The following SLC18A2 variants were observed in gnomAD, a reference collection of about 807,000 sequenced individuals.
SLC18A2 encodes the protein synaptic vesicular amine transporter.
In SLC18A2, 33 loss-of-function variants were observed where a neutral mutation model predicts 59.2. That is an observed-to-expected ratio of 0.56 (90% CI 0.42 to 0.75). SLC18A2 has a LOEUF of 0.75. Ranked by LOEUF, SLC18A2 falls within the 30% of genes least tolerant of loss-of-function variation. The probability of loss-of-function intolerance (pLI) is 0.00; values close to 1 mark genes in which losing one functional copy is unlikely to be tolerated. For missense variants in SLC18A2, 569 were observed against 668.6 expected (o/e 0.85, Z 1.64); for synonymous variants, 228 against 253.5 (o/e 0.90, Z 0.95).
intron 15 of SLC18A2, among the ~76,000 whole-genome samples, chr10:117,276,630 A>AAG (rs1554953528): frequency 2.9e-3 from 65 of 22,304 alleles, no homozygotes; most frequent in African/African-American, 5.6e-3. Context: ...AAAAAAAAAA[A>AAG]AAAGAAAGAA....
intron 3 of SLC18A2, among the ~76,000 whole-genome samples, chr10:117,251,945 T>C (rs1296417133): frequency 6.6e-6 from 1 of 151,856 alleles, no homozygotes; most frequent in Non-Finnish European, 1.5e-5. Flanking sequence ...ATGAAGGCGC[T>C]ATGATTATTT....
At chr10:117,266,673 CT>C (rs35000397) in intron 10 of SLC18A2, 59 bp from the exon 11 acceptor site, 1 of 1,328,392 alleles carries the variant, frequency 7.5e-7, no homozygotes. Context: ...ACAGTTATTA[CT>C]TTTTCTAACA....
intron 9 of SLC18A2, 91 bp from the exon 10 acceptor site, chr10:117,257,706 G>T: frequency 1.5e-6 from 1 of 673,266 alleles, no homozygotes; most frequent in South Asian, 2.7e-5. Context: ...AGAAGTTGCG[G>T]TTATCTGAGC....
chr10:117,255,591 T>A lies in SLC18A2; in HGVS notation c.835-6T>A, dbSNP rs1565004388. The A allele has an allele frequency of 6.2e-7, 1 of 1,614,088 alleles. No individual in the cohort carries two copies. The highest frequency in any genetic ancestry group is 8.5e-7 in the Non-Finnish European group (1 of 1,180,004). Reference sequence around the variant, plus strand: ...CTGCTTCTGACCCGTGTTTTTTTCTTGACAGAGTCAGAAGGGGACACCCCT... The same window carrying A: ...CTGCTTCTGACCCGTGTTTTTTTCTAGACAGAGTCAGAAGGGGACACCCCT... On this transcript the variant is annotated splice_polypyrimidine_tract_variant and splice_region_variant and intron_variant, in intron 8 of 15. Transcript: ENST00000644641.
chr10:117,253,045 AG>A (rs1484008156), intron 3 of SLC18A2, among the ~76,000 whole-genome samples: 1 of 152,220 alleles, frequency 6.6e-6, no homozygotes, highest in Non-Finnish European at 1.5e-5. Context: ...ATTTGATTGC[AG>A]TGGCTCCTTT....
At chr10:117,271,395 T>C (rs961629745) in intron 15 of SLC18A2, among the ~76,000 whole-genome samples, 1 of 152,222 alleles carries the variant, frequency 6.6e-6, no homozygotes, top group African/African-American at 2.4e-5. Context: ...GAACTGCCCT[T>C]TGATGCTTTT....
intron 15 of SLC18A2, among the ~76,000 whole-genome samples, chr10:117,271,299 G>A (rs1844422945): frequency 6.6e-6 from 1 of 152,182 alleles, no homozygotes; most frequent in South Asian, 2.1e-4. Flanking sequence ...TAGATGTGAG[G>A]TTTGTTTGTA....
intron 15 of SLC18A2, among the ~76,000 whole-genome samples, chr10:117,270,959 T>C (rs1844418508): frequency 6.6e-6 from 1 of 152,262 alleles, no homozygotes. Flanking sequence ...TTGGGGTATA[T>C]GTGAACACAC....
At chr10:117,254,381 T>A (rs750906365) in intron 5 of SLC18A2, 24 bp from the exon 6 acceptor site, 2 of 1,546,708 alleles carry the variant, frequency 1.3e-6, no homozygotes, top group South Asian at 2.4e-5. Context: ...AGCTGGCCTG[T>A]TGACTATTTC....
At chr10:117,273,109 G>C (rs934908574) in intron 15 of SLC18A2, among the ~76,000 whole-genome samples, 1 of 152,238 alleles carries the variant, frequency 6.6e-6, no homozygotes, top group Non-Finnish European at 1.5e-5. Context: ...TATATTGTAA[G>C]ATATAATGCT....
chr10:117,275,094 G>A (rs879825792), intron 15 of SLC18A2, among the ~76,000 whole-genome samples: 1 of 152,102 alleles, frequency 6.6e-6, no homozygotes, highest in Non-Finnish European at 1.5e-5. Flanking sequence ...TTGTTAGGGG[G>A]GTTAAACCTT....
rs968290284 is a variant in SLC18A2, at chr10:117,256,422, G to A, written c.895+765G>A. ...TCAGGCCAGGAGAAGGTCTGGCTGC[G>A]CGCTGATGTGTTGGTCTCTGGGGCA... On this transcript the variant is annotated intron_variant, in intron 9 of 15. Transcript: ENST00000644641. 1.2e-4 allele frequency among the ~76,000 whole-genome samples: 18 copies of A among 152,308 alleles called. No individual in the cohort carries two copies. The South Asian group carries it at 2.9e-3, about 25-fold the overall frequency.
intron 3 of SLC18A2, among the ~76,000 whole-genome samples, chr10:117,251,956 T>C (rs924530747): frequency 6.6e-6 from 1 of 151,736 alleles, no homozygotes; most frequent in Non-Finnish European, 1.5e-5. Context: ...ATGATTATTT[T>C]TTATTTATTT....
rs1844523161 is a variant in SLC18A2, at chr10:117,277,978, A to G, written c.*712A>G. 1.3e-5 allele frequency: 2 copies of G among 152,242 alleles called. No homozygotes were observed. Among genetic ancestry groups the G allele is most frequent in the South Asian group, 4.1e-4 (2 of 4,834 alleles). 9.4% of individuals were successfully genotyped at this position (152,242 alleles called of 1,614,324 possible). A position where few individuals can be genotyped will look rare whatever the true frequency, so the allele number is the denominator to read the frequency against. On this transcript the variant is annotated 3_prime_UTR_variant, in exon 16 of 16. Transcript: ENST00000644641. ...AAGGAAAAACAGTAAATGTTCCGAA[A>G]GCAGAGAAAAGCAACCAAACATATT...
Position 117,241,749 on chromosome 10 carries a change from G to A in SLC18A2, c.56G>A (p.Arg19Gln), listed in dbSNP as rs1421913557. Residue 19 changes from arginine (R) to glutamine (Q), a missense_variant, in exon 2 of 16, where the codon CGG (arginine) becomes CAG (glutamine). Around this residue, in one of 2 missense-constraint regions of SLC18A2, gnomAD observed 377 missense variants for 389.8 expected, o/e 0.97. Transcript: ENST00000644641. ...VRWLQESRRS[R>Q]KLILFIVFLA... ...TGGCTGCAGGAGAGCCGCCGCTCGCGGAAGCTCATCCTGTTCATCGTGTTC... is the reference window on the plus strand; with the variant it reads ...TGGCTGCAGGAGAGCCGCCGCTCGCAGAAGCTCATCCTGTTCATCGTGTTC... The A allele has an allele frequency of 6.2e-7, 1 of 1,610,724 alleles. No individual in the cohort carries two copies. The highest frequency in any genetic ancestry group is 1.1e-5 in the South Asian group (1 of 90,842).
chr10:117,257,382 T>A (rs1396055214), intron 9 of SLC18A2, among the ~76,000 whole-genome samples: 2 of 151,910 alleles, frequency 1.3e-5, no homozygotes, highest in Non-Finnish European at 2.9e-5. Context: ...AATGCCCACG[T>A]ATATTGCACA....
intron 12 of SLC18A2, 135 bp downstream of exon 12, chr10:117,267,170 T>G: frequency 1.5e-6 from 1 of 682,750 alleles, no homozygotes; most frequent in Non-Finnish European, 2.5e-6. Flanking sequence ...ATTCTAATTT[T>G]TTATCATCTT....
intron 10 of SLC18A2, among the ~76,000 whole-genome samples, chr10:117,264,063 G>T (rs1455592866): frequency 6.6e-6 from 1 of 152,330 alleles, no homozygotes; most frequent in East Asian, 1.9e-4. Flanking sequence ...TGCTTCCGGG[G>T]CTGGATGGCC....
chr10:117,241,260 C>G (rs1424691490), intron 1 of SLC18A2, 40 bp downstream of exon 1: 2 of 157,448 alleles, frequency 1.3e-5, no homozygotes, highest in African/African-American at 4.8e-5. Flanking sequence ...GGCGCGGTGC[C>G]GGAGGGGAGC....
Sources: gnomAD v4.1 joint callset for allele counts (sites outside exome capture counted in the v4.1 genomes callset) on GRCh38, gnomAD v4.1.1 for gene constraint, gnomAD v4.1.1 regional missense constraint, MANE v1.5 for transcripts, NCBI Gene and HGNC (gene_info 2026-07-23, HGNC 2026-07-21) for gene names.